Variants in IQCK observed in about 807,000 individuals in gnomAD.
IQCK encodes IQ motif containing K, also known as IQ domain-containing protein K.
Under a neutral mutation model 28.1 loss-of-function variants are expected in IQCK, and 29 were observed. The observed-to-expected ratio is 1.03, with a 90% confidence interval of 0.77 to 1.41. The LOEUF is 1.41. Ranked by LOEUF, IQCK falls within the 40% of genes most tolerant of loss-of-function variation. IQCK has a pLI of 0.00. For missense variants in IQCK, 359 were observed against 314.7 expected (o/e 1.14, Z -1.07); for synonymous variants, 113 against 115.1 (o/e 0.98, Z 0.12).
At chr16:19,767,055 C>T (rs757824920) in intron 6 of IQCK, among the ~76,000 whole-genome samples, 1 of 152,288 alleles carries the variant, frequency 6.6e-6, no homozygotes, top group African/African-American at 2.4e-5. Flanking sequence ...TTGTCCCCCT[C>T]GCAGGGCATG....
At position 19,736,522 on chromosome 16, in the gene IQCK, A is replaced by T. The variant is rs548707678; in HGVS notation, c.474+1072A>T. 5.9e-5 allele frequency among the ~76,000 whole-genome samples: 9 copies of T among 152,268 alleles called. No individual in the cohort carries two copies. The East Asian group carries it at 1.5e-3, about 26-fold the overall frequency. ...CCGATGCTGGCCTACACCCACGCGG[A>T]TACCCTTAGAGGCTCCCTCTTTTCC... is the stretch of plus-strand genomic sequence containing the variant. On this transcript the variant is annotated intron_variant, in intron 4 of 7. Coordinates refer to ENST00000564186, the Ensembl canonical transcript of IQCK.
chr16:19,834,219 A>G (rs910500348), intron 9 of IQCK, among the ~76,000 whole-genome samples: 2 of 152,202 alleles, frequency 1.3e-5, no homozygotes, highest in Non-Finnish European at 2.9e-5. Flanking sequence ...AGCTTATGCC[A>G]TGTGCCAGAC....
chr16:19,762,096 A>G (rs1255699053), intron 4 of IQCK: 1 of 152,544 alleles, frequency 6.6e-6, no homozygotes, highest in Non-Finnish European at 1.5e-5. Flanking sequence ...AGGTCCCTAG[A>G]ATATGTCTGG....
intron 7 of IQCK, among the ~76,000 whole-genome samples, chr16:19,797,638 C>A (rs1458026407): frequency 2.4e-5 from 3 of 124,730 alleles, no homozygotes; most frequent in Non-Finnish European, 3.2e-5. Flanking sequence ...AACAAAAAAA[C>A]CAATAAAATA....
intron 7 of IQCK, chr16:19,789,385 T>G (rs1456985786): frequency 4.7e-5 from 1 of 21,252 alleles, no homozygotes; most frequent in Non-Finnish European, 6.6e-5. Context: ...CACTCCAGCC[T>G]GGGAGACAGA....
chr16:19,856,000 C>T (rs2056554848), intron 9 of IQCK, among the ~76,000 whole-genome samples: 5 of 152,174 alleles, frequency 3.3e-5, no homozygotes, highest in Admixed American at 3.3e-4. Flanking sequence ...TCCTGTTTGG[C>T]AGACACAGGA....
At chr16:19,810,492 GTC>G (rs2055889966) in intron 7 of IQCK, among the ~76,000 whole-genome samples, 1 of 112,824 alleles carries the variant, frequency 8.9e-6, no homozygotes, top group African/African-American at 3.7e-5. Flanking sequence ...GTGAGACTCC[GTC>G]TCAAAAAAAA....
chr16:19,785,496 C>T (rs566529320), intron 6 of IQCK, among the ~76,000 whole-genome samples: 5 of 152,192 alleles, frequency 3.3e-5, no homozygotes, highest in East Asian at 1.9e-4. Flanking sequence ...TAACTTTCCA[C>T]GCCTAAGTAA....
intron 7 of IQCK, among the ~76,000 whole-genome samples, chr16:19,817,207 A>G (rs561384147): frequency 5.3e-5 from 8 of 152,336 alleles, no homozygotes; most frequent in Admixed American, 3.9e-4. Context: ...TATTTTAAAA[A>G]TAAAAGTAGA....
At chr16:19,803,924 A>C (rs2055797400) in intron 7 of IQCK, among the ~76,000 whole-genome samples, 1 of 152,200 alleles carries the variant, frequency 6.6e-6, no homozygotes, top group South Asian at 2.1e-4. Flanking sequence ...CTGGGATGAC[A>C]AATGTGGGCC....
At chr16:19,722,906 T>G (rs1173099235) in intron 1 of IQCK, among the ~76,000 whole-genome samples, 1 of 152,070 alleles carries the variant, frequency 6.6e-6, no homozygotes, top group African/African-American at 2.4e-5. Context: ...TAGGTGGGGT[T>G]TCACCATGTT....
chr16:19,810,885 T>C (rs922029798), intron 7 of IQCK, among the ~76,000 whole-genome samples: 5 of 152,090 alleles, frequency 3.3e-5, no homozygotes, highest in African/African-American at 7.2e-5. Context: ...AGTTAATATG[T>C]ATAAAAGTCT....
chr16:19,775,908 G>A (rs1597548135), intron 6 of IQCK, among the ~76,000 whole-genome samples: 1 of 106,720 alleles, frequency 9.4e-6, no homozygotes, highest in Non-Finnish European at 1.7e-5. Context: ...TTGAGAAGGA[G>A]TCTATCTCTG....
At chr16:19,814,064 A>C (rs2055943884) in intron 7 of IQCK, among the ~76,000 whole-genome samples, 1 of 151,868 alleles carries the variant, frequency 6.6e-6, no homozygotes, top group African/African-American at 2.4e-5. Flanking sequence ...CTAAAAATAC[A>C]AAAAAATTAG....
intron 9 of IQCK, among the ~76,000 whole-genome samples, chr16:19,838,492 ACT>A (rs1203505006): frequency 6.6e-6 from 1 of 151,752 alleles, no homozygotes; most frequent in Non-Finnish European, 1.5e-5. Context: ...ACCCAGAATG[ACT>A]CTTTCTGAAT....
intron 6 of IQCK, among the ~76,000 whole-genome samples, chr16:19,764,981 G>A (rs2055208595): frequency 7.0e-6 from 1 of 142,070 alleles, no homozygotes; most frequent in Non-Finnish European, 1.5e-5. Flanking sequence ...TTACAGGCGT[G>A]AGCCACCGTG....
chr16:19,851,143 G>C (rs532640989), intron 9 of IQCK, among the ~76,000 whole-genome samples: 1 of 152,202 alleles, frequency 6.6e-6, no homozygotes, highest in African/African-American at 2.4e-5. Flanking sequence ...AGCGCCCTTA[G>C]GAGGCAGGTG....
intron 7 of IQCK, among the ~76,000 whole-genome samples, chr16:19,811,420 C>G (rs562986879): frequency 1.3e-5 from 2 of 152,166 alleles, no homozygotes; most frequent in African/African-American, 4.8e-5. Context: ...TAAACAAGTA[C>G]AGCGAACAGT....
chr16:19,751,752 G>A (rs1010696673), intron 4 of IQCK, among the ~76,000 whole-genome samples: 9 of 152,036 alleles, frequency 5.9e-5, no homozygotes, highest in African/African-American at 1.9e-4. Context: ...TTGGTTTCTC[G>A]GAGGCATGGC....
Sources: gnomAD v4.1 joint callset for allele counts (sites outside exome capture counted in the v4.1 genomes callset) on GRCh38, gnomAD v4.1.1 for gene constraint, MANE v1.5 for transcripts, NCBI Gene and HGNC (gene_info 2026-07-23, HGNC 2026-07-21) for gene names.